Variants in BCAS3 observed in about 807,000 individuals in gnomAD.
The protein encoded by BCAS3 is BCAS3 microtubule associated cell migration factor, also known as BCAS4/BCAS3 fusion.
In BCAS3, 53 loss-of-function variants were observed where a neutral mutation model predicts 116.1. That is an observed-to-expected ratio of 0.46 (90% CI 0.37 to 0.57). The LOEUF (loss-of-function observed/expected upper bound fraction) is 0.57, where lower values mean the gene tolerates loss of function less well. Among genes scored for constraint, BCAS3 ranks in the 20% least tolerant of loss-of-function variants. The pLI is 0.00. For missense variants in BCAS3, 917 were observed against 1,165.4 expected (o/e 0.79, Z 3.10); for synonymous variants, 391 against 408.2 (o/e 0.96, Z 0.51).
chr17:60,936,385 T>G (rs1230824720), intron 13 of BCAS3, among the ~76,000 whole-genome samples: 1 of 152,086 alleles, frequency 6.6e-6, no homozygotes, highest in Non-Finnish European at 1.5e-5. Flanking sequence ...GTAATGGGAT[T>G]GCAGGGTCAA....
At chr17:60,842,862 CTT>C (rs1264168541) in intron 7 of BCAS3, among the ~76,000 whole-genome samples, 1 of 144,422 alleles carries the variant, frequency 6.9e-6, no homozygotes. Flanking sequence ...ATTCTCTTAG[CTT>C]TTTTTTTTTT....
intron 19 of BCAS3, among the ~76,000 whole-genome samples, chr17:61,043,891 T>C (rs986811842): frequency 6.6e-6 from 1 of 152,082 alleles, no homozygotes; most frequent in Admixed American, 6.5e-5. Context: ...TATTGGTTAT[T>C]ATCTGTTTTT....
intron 22 of BCAS3, among the ~76,000 whole-genome samples, chr17:61,288,196 A>T (rs982796590): frequency 6.6e-6 from 1 of 152,192 alleles, no homozygotes; most frequent in Non-Finnish European, 1.5e-5. Flanking sequence ...AAGAAATTAC[A>T]TGGGCTGTGG....
At chr17:61,005,956 C>G (rs746224287) in intron 15 of BCAS3, among the ~76,000 whole-genome samples, 1 of 152,018 alleles carries the variant, frequency 6.6e-6, no homozygotes, top group Non-Finnish European at 1.5e-5. Context: ...CTTCCCCCCA[C>G]TCCACCACAG....
At position 61,323,734 on chromosome 17, in the gene BCAS3, G is replaced by T. The variant is rs1487571610; in HGVS notation, c.2426-44593G>T. ...AGGCCACTTCCCTCCAAGGATTCAG[G>T]GACCATTCATCACCGTGGTGCCTAG... On this transcript the variant is annotated intron_variant, in intron 22 of 23. Coordinates refer to ENST00000407086, the MANE Select transcript of BCAS3 (RefSeq NM_017679.5). The surrounding 1 kb of genome is among the most constrained non-coding windows in gnomAD (Gnocchi z 4.6). Among the ~76,000 whole-genome samples, 1 of 152,122 alleles carries T rather than the reference G, an allele frequency of 6.6e-6. No individual in the cohort carries two copies. Among genetic ancestry groups the T allele is most frequent in the African/African-American group, 2.4e-5 (1 of 41,430 alleles).
intron 2 of BCAS3, among the ~76,000 whole-genome samples, chr17:60,680,134 CAAAAAAAA>C (rs11442352): frequency 9.2e-6 from 1 of 108,430 alleles, no homozygotes; most frequent in South Asian, 3.2e-4. Flanking sequence ...ACTCTGTCTC[CAAAAAAAA>C]AAAAAAAAAG....
At chr17:60,682,894 A>G (rs151204930) in intron 2 of BCAS3, among the ~76,000 whole-genome samples, 1 of 152,274 alleles carries the variant, frequency 6.6e-6, no homozygotes, top group Non-Finnish European at 1.5e-5. Context: ...AAAATACATT[A>G]ATTTAGTGTC....
At chr17:61,369,117 A>G (rs1603109654) in intron 23 of BCAS3, among the ~76,000 whole-genome samples, 1 of 152,194 alleles carries the variant, frequency 6.6e-6, no homozygotes, top group Admixed American at 6.5e-5. Flanking sequence ...CACAACATGC[A>G]CTCAGGAAAG....
chr17:60,977,560 G>C (rs1467641795), intron 14 of BCAS3, among the ~76,000 whole-genome samples: 1 of 151,394 alleles, frequency 6.6e-6, no homozygotes, highest in Admixed American at 6.6e-5. Context: ...GTGCAGGTTA[G>C]TTACATATGT....
chr17:61,211,762 C>T lies in BCAS3; in HGVS notation c.2425+127198C>T, dbSNP rs118155044. ...TTCCCACACATGAAGTGTTATGCTT[C>T]AAATAACCGCTCAACAGCTCATCTG... On this transcript the variant is annotated intron_variant, in intron 22 of 23. Coordinates refer to ENST00000407086, the MANE Select transcript of BCAS3 (RefSeq NM_017679.5). This position sits in a 1 kb window ranked among gnomAD's most constrained non-coding sequence, Gnocchi z 4.4. Among the ~76,000 whole-genome samples the T allele has an allele frequency of 1.8e-4, 27 of 152,030 alleles. No individual in the cohort carries two copies. In the East Asian group the frequency reaches 5.2e-3, roughly 29 times the overall value.
intron 7 of BCAS3, chr17:60,811,429 T>C: frequency 1.6e-6 from 1 of 606,670 alleles, no homozygotes. Context: ...AAGTGGTGTC[T>C]GAGACCAGCG....
chr17:60,899,110 G>T (rs1302689935), intron 10 of BCAS3, among the ~76,000 whole-genome samples: 1 of 152,150 alleles, frequency 6.6e-6, no homozygotes, highest in East Asian at 1.9e-4. Flanking sequence ...GCCATGGTGG[G>T]TGGGGACAGG....
At chr17:60,987,778 G>A (rs1201871145) in intron 14 of BCAS3, among the ~76,000 whole-genome samples, 2 of 152,086 alleles carry the variant, frequency 1.3e-5, no homozygotes, top group East Asian at 3.9e-4. Flanking sequence ...ATCTGCAAAC[G>A]AGGCTCATTT....
chr17:61,068,327 T>G lies in BCAS3; in HGVS notation c.2030-6593T>G, dbSNP rs2070948072. ...CCTCCAAAGTTACATCTAAATTCTC[T>G]AGGGTGTTCAGGGTATAAAAGTATG... On this transcript the variant is annotated intron_variant, in intron 19 of 23. Transcript: ENST00000407086. This position sits in a 1 kb window ranked among gnomAD's most constrained non-coding sequence, Gnocchi z 4.3. 6.6e-6 allele frequency among the ~76,000 whole-genome samples: 1 copy of G among 152,170 alleles called. No individual in the cohort carries two copies.
At position 61,070,400 on chromosome 17, in the gene BCAS3, T is replaced by TA. The variant is rs1555698457; in HGVS notation, c.2030-4520_2030-4519insA. The TA allele has an allele frequency of 2.2e-4, 40 of 180,958 alleles. 2 individuals are homozygous for TA. The highest frequency in any genetic ancestry group is 4.2e-4 in the South Asian group (3 of 7,154). The allele number at this position is 180,958 out of a possible 1,614,324, so 11.2% of individuals were successfully genotyped here. On this transcript the variant is annotated intron_variant, in intron 19 of 23. Transcript: ENST00000407086. ...ATATATATATATATATATATATATA[T>TA]CTTTTCACCATTTAAAAAAAATAGA...
intron 14 of BCAS3, among the ~76,000 whole-genome samples, chr17:60,948,589 A>T (rs940496473): frequency 5.9e-5 from 9 of 152,316 alleles, no homozygotes; most frequent in African/African-American, 1.9e-4. Context: ...CTATTTATTG[A>T]CTAGCCTATC....
Position 61,388,503 on chromosome 17 carries a change from G to A in BCAS3, c.2594-3474G>A, listed in dbSNP as rs1018377311. 5 of 920,604 alleles carry A rather than the reference G, an allele frequency of 5.4e-6. No homozygotes were observed. The highest frequency in any genetic ancestry group is 2.7e-5 in the East Asian group (1 of 37,024). The allele number at this position is 920,604 out of a possible 1,614,324, so 57.0% of individuals were successfully genotyped here. A position where few individuals can be genotyped will look rare whatever the true frequency, so the allele number is the denominator to read the frequency against. The stretch of plus-strand genomic sequence containing the variant: ...TTGACTGCAAACTCCCCCTCCTCAC[G>A]GTGTGCCCCTGCGCCTCCTGACACC... On this transcript the variant is annotated intron_variant, in intron 23 of 23. Transcript: ENST00000407086. This position sits in a 1 kb window ranked among gnomAD's most constrained non-coding sequence, Gnocchi z 6.5.
intron 6 of BCAS3, among the ~76,000 whole-genome samples, chr17:60,806,935 C>T (rs1295015647): frequency 6.6e-6 from 1 of 152,004 alleles, no homozygotes; most frequent in Non-Finnish European, 1.5e-5. Flanking sequence ...AGTTCACTTA[C>T]TATTATTATG....
intron 22 of BCAS3, among the ~76,000 whole-genome samples, chr17:61,178,237 T>G (rs989581501): frequency 6.6e-6 from 1 of 152,126 alleles, no homozygotes; most frequent in Non-Finnish European, 1.5e-5. Context: ...TTTATTAGTT[T>G]AGTACTTTAA....
Sources: gnomAD v4.1 joint callset for allele counts (sites outside exome capture counted in the v4.1 genomes callset) on GRCh38, gnomAD v4.1.1 for gene constraint, Gnocchi (gnomAD v3.1) non-coding constraint, MANE v1.5 for transcripts, NCBI Gene and HGNC (gene_info 2026-07-23, HGNC 2026-07-21) for gene names.